The following TMEM178B variants were observed in gnomAD, a reference collection of about 807,000 sequenced individuals.
The protein encoded by TMEM178B is transmembrane protein 178B.
Under a neutral mutation model 31.0 loss-of-function variants are expected in TMEM178B, and 5 were observed. The observed-to-expected ratio is 0.16, with a 90% CI of 0.08 to 0.34. The LOEUF is 0.34. Among genes scored for constraint, TMEM178B ranks in the 10% least tolerant of loss-of-function variants. TMEM178B has a pLI of 1.00. For synonymous variants in TMEM178B, 164 were observed against 164.0 expected, an observed-to-expected ratio of 1.00 and a Z score of 0.00; for missense variants, 275 against 400.3, an observed-to-expected ratio of 0.69 and a Z score of 2.67.
At chr7:141,465,710 G>A (rs889151078) in intron 3 of TMEM178B, among the ~76,000 whole-genome samples, 7 of 152,026 alleles carry the variant, frequency 4.6e-5, no homozygotes, top group Non-Finnish European at 1.0e-4. Flanking sequence ...ATGTGGAGAG[G>A]TACATAAAAA....
At chr7:141,400,855 GT>G (rs1800749455) in intron 2 of TMEM178B, among the ~76,000 whole-genome samples, 1 of 152,198 alleles carries the variant, frequency 6.6e-6, no homozygotes, top group East Asian at 1.9e-4. Flanking sequence ...AGGACATGGT[GT>G]GTCACCATCA....
intron 1 of TMEM178B, among the ~76,000 whole-genome samples, chr7:141,100,021 A>C (rs567267507): frequency 6.6e-6 from 1 of 151,992 alleles, no homozygotes; most frequent in Non-Finnish European, 1.5e-5. Flanking sequence ...GGGTTTCACC[A>C]TGTTAGCCAG....
intron 3 of TMEM178B, among the ~76,000 whole-genome samples, chr7:141,463,968 T>A (rs866672951): frequency 6.6e-6 from 1 of 152,192 alleles, no homozygotes; most frequent in Non-Finnish European, 1.5e-5. Flanking sequence ...TTAATTTTTT[T>A]AAATACCACT....
intron 2 of TMEM178B, among the ~76,000 whole-genome samples, chr7:141,401,671 G>A (rs146823099): frequency 0.011 from 1,654 of 152,196 alleles, 28 homozygotes; most frequent in African/African-American, 0.038. Flanking sequence ...CTCCTAAAGT[G>A]CTGGAATTAC....
intron 3 of TMEM178B, among the ~76,000 whole-genome samples, chr7:141,456,021 C>A (rs1801955649): frequency 6.6e-6 from 1 of 152,234 alleles, no homozygotes; most frequent in Non-Finnish European, 1.5e-5. Context: ...GGGGCCCAAT[C>A]CTTCCATGCT....
chr7:141,143,586 T>A (rs1307196430), intron 1 of TMEM178B, among the ~76,000 whole-genome samples: 1 of 152,218 alleles, frequency 6.6e-6, no homozygotes, highest in Non-Finnish European at 1.5e-5. Context: ...GTGTCTGATT[T>A]TGTACTGGTA....
intron 2 of TMEM178B, among the ~76,000 whole-genome samples, chr7:141,346,178 G>A (rs1249535733): frequency 1.3e-5 from 2 of 151,880 alleles, no homozygotes; most frequent in Non-Finnish European, 2.9e-5. Flanking sequence ...CCAAGATCAT[G>A]CCACTGCCCT....
chr7:141,192,681 G>A (rs1291705354), intron 1 of TMEM178B, among the ~76,000 whole-genome samples: 1 of 152,148 alleles, frequency 6.6e-6, no homozygotes, highest in African/African-American at 2.4e-5. Context: ...AGCCAGGATG[G>A]TCTCGATCTT....
At chr7:141,298,483 A>T (rs1018863556) in intron 2 of TMEM178B, among the ~76,000 whole-genome samples, 3 of 152,234 alleles carry the variant, frequency 2.0e-5, no homozygotes, top group African/African-American at 7.2e-5. Context: ...ACTCCAATAG[A>T]GTAGCTGGCA....
chr7:141,293,429 C>T (rs1404705316), intron 2 of TMEM178B, among the ~76,000 whole-genome samples: 1 of 152,092 alleles, frequency 6.6e-6, no homozygotes, highest in Non-Finnish European at 1.5e-5. Flanking sequence ...TTTTTGTTTG[C>T]TTGCTTTTTC....
At chr7:141,195,689 C>T (rs574706606) in intron 1 of TMEM178B, among the ~76,000 whole-genome samples, 24 of 152,288 alleles carry the variant, frequency 1.6e-4, no homozygotes, top group South Asian at 2.1e-4. Context: ...AGCAACACCC[C>T]ACTCTACTGG....
At chr7:141,260,424 C>A (rs564237947) in intron 2 of TMEM178B, among the ~76,000 whole-genome samples, 2 of 151,610 alleles carry the variant, frequency 1.3e-5, no homozygotes, top group South Asian at 2.1e-4. Context: ...TTTTTTTGAC[C>A]ATTTTTTCCC....
chr7:141,462,584 C>T lies in TMEM178B; in HGVS notation c.635-7952C>T, dbSNP rs142027542. On this transcript the variant is annotated intron_variant, in intron 3 of 3. Coordinates refer to ENST00000565468, the MANE Select transcript of TMEM178B (RefSeq NM_001195278.2). ...GCTTGGAAACCGAGGAAAGAGATAG[C>T]CAAGCAGGAGGAAGGTGTCAGGTAG... Among the ~76,000 whole-genome samples the T allele has an allele frequency of 5.3e-3, 810 of 151,802 alleles. 12 individuals carry two copies. Among genetic ancestry groups the T allele is most frequent in the African/African-American group, 0.019 (782 of 41,350 alleles).
chr7:141,465,831 T>G (rs2116724399), intron 3 of TMEM178B, among the ~76,000 whole-genome samples: 1 of 152,224 alleles, frequency 6.6e-6, no homozygotes, highest in Admixed American at 6.5e-5. Context: ...GAGGCCAGCC[T>G]GGGCAACATG....
Position 141,345,454 on chromosome 7 carries a change from G to A in TMEM178B, c.497-92154G>A, listed in dbSNP as rs577581195. ...TGTTTTGGTTTTGTTTGTCCTCATC[G>A]TTATAGTACTAGTCTCTTTCTTTGC... is the stretch of plus-strand genomic sequence containing the variant. On this transcript the variant is annotated intron_variant, in intron 2 of 3. Transcript: ENST00000565468. 5.9e-5 allele frequency among the ~76,000 whole-genome samples: 9 copies of A among 152,240 alleles called. No homozygotes were observed. The East Asian group carries it at 1.2e-3, about 20-fold the overall frequency.
At chr7:141,158,412 G>C (rs1029976232) in intron 1 of TMEM178B, among the ~76,000 whole-genome samples, 3 of 152,182 alleles carry the variant, frequency 2.0e-5, no homozygotes, top group Non-Finnish European at 4.4e-5. Context: ...GTTGCCAATT[G>C]ATGTCTGTCC....
rs1802406668 is a variant in TMEM178B at position 141,478,086 on chromosome 7, G to C, written c.*7300G>C. 1 of 152,834 alleles carries C rather than the reference G, an allele frequency of 6.5e-6. No individual in the cohort carries two copies. 9.5% of individuals were successfully genotyped at this position (152,834 alleles called of 1,614,324 possible). A position where few individuals can be genotyped will look rare whatever the true frequency, so the allele number is the denominator to read the frequency against. On this transcript the variant is annotated 3_prime_UTR_variant, in exon 4 of 4. Coordinates refer to ENST00000565468, the MANE Select transcript of TMEM178B (RefSeq NM_001195278.2). ...TGCAGTGTCAGAAGCAGGGAGTCTG[G>C]CCAAGGGTTGCTACCAAATAAGACT...
intron 2 of TMEM178B, chr7:141,352,817 AC>A (rs1328677222): frequency 1.3e-5 from 2 of 152,726 alleles, no homozygotes; most frequent in East Asian, 3.9e-4. Context: ...TATGACTATC[AC>A]TGTATTTCTG....
At chr7:141,416,929 G>T (rs993111864) in intron 2 of TMEM178B, among the ~76,000 whole-genome samples, 1 of 152,208 alleles carries the variant, frequency 6.6e-6, no homozygotes, top group Non-Finnish European at 1.5e-5. Context: ...AATGTTTCCA[G>T]TCATGTGAGA....
Sources: gnomAD v4.1 joint callset for allele counts (sites outside exome capture counted in the v4.1 genomes callset) on GRCh38, gnomAD v4.1.1 for gene constraint, MANE v1.5 for transcripts, NCBI Gene and HGNC (gene_info 2026-07-23, HGNC 2026-07-21) for gene names.